GPR137C: variants seen among roughly 807,000 people sequenced by gnomAD.
The protein encoded by GPR137C is integral membrane protein GPR137C.
Under a neutral mutation model 43.4 loss-of-function variants are expected in GPR137C, and 27 were observed. That is an observed-to-expected ratio of 0.62 (90% CI 0.46 to 0.86). The LOEUF is 0.86. GPR137C is among the 40% of genes least tolerant of loss of function. GPR137C has a pLI of 0.00. For missense variants in GPR137C, 522 were observed against 534.6 expected, an observed-to-expected ratio of 0.98 and a Z score of 0.23; for synonymous variants, 285 against 226.9, an observed-to-expected ratio of 1.26 and a Z score of -2.30.
chr14:52,595,223 C>T (rs981827642), intron 1 of GPR137C, among the ~76,000 whole-genome samples: 94 of 152,202 alleles, frequency 6.2e-4, no homozygotes, highest in African/African-American at 2.2e-3. Context: ...GTGGGTAACC[C>T]GACCTTTCTC....
chr14:52,606,885 T>C (rs375337840), intron 3 of GPR137C, among the ~76,000 whole-genome samples: 29 of 152,298 alleles, frequency 1.9e-4, no homozygotes, highest in Middle Eastern at 3.4e-3. Flanking sequence ...CATTATTAGA[T>C]TGTTTATTTG....
chr14:52,574,050 A>T (rs1178362468), intron 1 of GPR137C, among the ~76,000 whole-genome samples: 1 of 152,238 alleles, frequency 6.6e-6, no homozygotes, highest in Non-Finnish European at 1.5e-5. Flanking sequence ...AATGGCAATC[A>T]TTAAAAAGTC....
chr14:52,590,189 T>C (rs1482153692), intron 1 of GPR137C, among the ~76,000 whole-genome samples: 1 of 152,024 alleles, frequency 6.6e-6, no homozygotes, highest in East Asian at 1.9e-4. Flanking sequence ...GGTGTATTTA[T>C]GTCTTAGCTT....
At chr14:52,604,045 C>T (rs2038956655) in intron 3 of GPR137C, among the ~76,000 whole-genome samples, 1 of 151,976 alleles carries the variant, frequency 6.6e-6, no homozygotes, top group South Asian at 2.1e-4. Context: ...AACTGTTGGC[C>T]ATTTGTATGT....
intron 1 of GPR137C, among the ~76,000 whole-genome samples, chr14:52,560,756 T>A (rs1426531635): frequency 6.6e-6 from 1 of 152,204 alleles, no homozygotes; most frequent in East Asian, 1.9e-4. Context: ...GTACTTGACA[T>A]AGATCATAGA....
chr14:52,591,132 T>A (rs2038778075), intron 1 of GPR137C, among the ~76,000 whole-genome samples: 1 of 152,184 alleles, frequency 6.6e-6, no homozygotes, highest in Admixed American at 6.5e-5. Flanking sequence ...TTTTCCAGCT[T>A]CACCCATGTC....
intron 1 of GPR137C, among the ~76,000 whole-genome samples, chr14:52,579,649 T>C (rs141079965): frequency 6.6e-6 from 1 of 152,300 alleles, no homozygotes; most frequent in Non-Finnish European, 1.5e-5. Flanking sequence ...TGAAAGGACG[T>C]AGAGTCAAAT....
chr14:52,564,214 G>T (rs1220763589), intron 1 of GPR137C, among the ~76,000 whole-genome samples: 1 of 146,098 alleles, frequency 6.8e-6, no homozygotes, highest in African/African-American at 2.6e-5. Context: ...GGCAGAGGTT[G>T]CAGTGAGCCG....
chr14:52,632,367 T>C (rs1280003719), intron 4 of GPR137C, 58 bp downstream of exon 4: 1 of 1,245,092 alleles, frequency 8.0e-7, no homozygotes, highest in Non-Finnish European at 1.1e-6. Flanking sequence ...TACCCTCATC[T>C]AGAAGAACAC....
chr14:52,624,419 G>C (rs2039196799), intron 3 of GPR137C, among the ~76,000 whole-genome samples: 1 of 152,006 alleles, frequency 6.6e-6, no homozygotes, highest in Non-Finnish European at 1.5e-5. Context: ...GGAGTGTGTG[G>C]AGTAGGAAAA....
chr14:52,605,410 A>G (rs2038973395), intron 3 of GPR137C, among the ~76,000 whole-genome samples: 1 of 152,184 alleles, frequency 6.6e-6, no homozygotes, highest in South Asian at 2.1e-4. Flanking sequence ...GTATCCTTCA[A>G]TTTTACTGAT....
chr14:52,619,183 T>TAAGA (rs2039132264), intron 3 of GPR137C, among the ~76,000 whole-genome samples: 1 of 152,186 alleles, frequency 6.6e-6, no homozygotes, highest in African/African-American at 2.4e-5. Flanking sequence ...AAATATTTCT[T>TAAGA]ATCTTTCATA....
At chr14:52,619,073 C>G (rs938197014) in intron 3 of GPR137C, among the ~76,000 whole-genome samples, 1 of 152,098 alleles carries the variant, frequency 6.6e-6, no homozygotes, top group Non-Finnish European at 1.5e-5. Context: ...CTGTATAAAC[C>G]TTTCTGTTCT....
At chr14:52,591,670 T>G (rs950437374) in intron 1 of GPR137C, among the ~76,000 whole-genome samples, 6 of 152,130 alleles carry the variant, frequency 3.9e-5, no homozygotes, top group African/African-American at 1.2e-4. Context: ...TTTGATGGTG[T>G]TGTTTGTTTT....
chr14:52,574,822 C>A (rs2038527090), intron 1 of GPR137C, among the ~76,000 whole-genome samples: 1 of 152,172 alleles, frequency 6.6e-6, no homozygotes, highest in Non-Finnish European at 1.5e-5. Context: ...ATTATTAGAT[C>A]TATTTCCTTT....
chr14:52,569,919 C>A (rs1254331508), intron 1 of GPR137C, among the ~76,000 whole-genome samples: 1 of 151,944 alleles, frequency 6.6e-6, no homozygotes, highest in Non-Finnish European at 1.5e-5. Flanking sequence ...TGGGAAAACA[C>A]TCTTCAGGAT....
chr14:52,553,549 C>T lies in GPR137C; in HGVS notation c.402C>T (p.Leu134=). The T allele has an allele frequency of 1.2e-6, 2 of 1,608,008 alleles. No individual in the cohort carries two copies. The change falls in exon 1 of 7, where the codon CTC becomes CTT. Residue 134 remains leucine (L), a synonymous_variant. Transcript: ENST00000321662. ...TGCTCTACTGCTTCCCCTCCTGTCT[C>T]CAGTTCTCCACGCTCTGTCTCCTCA... ...HWLLYCFPSC[L]QFSTLCLLNL...
chr14:52,636,853 A>G lies in GPR137C; in HGVS notation c.*1738A>G, dbSNP rs1329869770. On this transcript the variant is annotated 3_prime_UTR_variant, in exon 7 of 7. Transcript: ENST00000321662. ...AAAGTTACCCGTGGTATTAAGTGAC[A>G]AAAGCGTACTTTTATTACAACTCCA... The G allele has an allele frequency of 6.6e-6, 1 of 152,162 alleles. No homozygotes were observed. The highest frequency in any genetic ancestry group is 1.9e-4 in the East Asian group (1 of 5,196). 9.4% of individuals were successfully genotyped at this position (152,162 alleles called of 1,614,324 possible).
At chr14:52,595,962 C>T (rs1320422532) in intron 1 of GPR137C, among the ~76,000 whole-genome samples, 1 of 152,192 alleles carries the variant, frequency 6.6e-6, no homozygotes, top group Admixed American at 6.5e-5. Context: ...GTTTTATTTA[C>T]CTTTGGTCTT....
Sources: gnomAD v4.1 joint callset for allele counts (sites outside exome capture counted in the v4.1 genomes callset) on GRCh38, gnomAD v4.1.1 for gene constraint, MANE v1.5 for transcripts, NCBI Gene and HGNC (gene_info 2026-07-23, HGNC 2026-07-21) for gene names.